Variants in SWI5 observed in about 807,000 individuals in gnomAD.
SWI5 encodes the protein SWI5 homologous recombination repair protein, also known as DNA repair protein SWI5 homolog.
SWI5 carries 12 observed loss-of-function variants against 17.0 expected under a neutral mutation model. The observed-to-expected ratio is 0.71, with a 90% CI of 0.45 to 1.14. The LOEUF is 1.14. SWI5 is among the 50% of genes most tolerant of loss of function. The pLI, the probability that SWI5 is intolerant of heterozygous loss-of-function variation, is 0.00. For missense variants in SWI5, 158 were observed against 162.2 expected (o/e 0.97, Z 0.14); for synonymous variants, 61 against 64.0 (o/e 0.95, Z 0.22).
At chr9:128,286,224 C>T in intron 4 of SWI5, 191 bp downstream of exon 4, 1 of 561,356 alleles carries the variant, frequency 1.8e-6, no homozygotes, top group Non-Finnish European at 3.2e-6. Flanking sequence ...GTTTGTTCCT[C>T]AAGTACAGAA....
At chr9:128,288,520 C>T (rs1486672963) in intron 4 of SWI5, 132 bp from the exon 5 acceptor site, 5 of 914,172 alleles carry the variant, frequency 5.5e-6, no homozygotes, top group Non-Finnish European at 8.7e-6. Flanking sequence ...AGGCAAGGCA[C>T]AAGTGTGGGG....
exon 3 of SWI5, chr9:128,284,569 C>T: frequency 6.2e-7 from 1 of 1,614,000 alleles, no homozygotes; most frequent in Middle Eastern, 1.6e-4. Context: ...TGCACCTTGA[C>T]ATTCAGAAAC....
chr9:128,288,505 C>A, intron 4 of SWI5, 147 bp from the exon 5 acceptor site: 1 of 807,318 alleles, frequency 1.2e-6, no homozygotes. Flanking sequence ...TTACCTTGGC[C>A]AGTTAGGCAA....
upstream of SWI5, chr9:128,275,508 G>T (rs1341625782): frequency 7.6e-7 from 1 of 1,310,880 alleles, no homozygotes; most frequent in Non-Finnish European, 9.8e-7. Flanking sequence ...TGAGGGTCGA[G>T]TCTGGAGCGG....
At chr9:128,278,612 T>C (rs1295244937) in intron 2 of SWI5, 4 of 470,440 alleles carry the variant, frequency 8.5e-6, no homozygotes, top group South Asian at 6.2e-5. Context: ...ATCAGCTTAC[T>C]TTACATGCAT....
intron 2 of SWI5, among the ~76,000 whole-genome samples, chr9:128,277,394 A>C (rs1831433317): frequency 6.6e-6 from 1 of 152,150 alleles, no homozygotes; most frequent in African/African-American, 2.4e-5. Context: ...TCTACTAAAA[A>C]TACAAAAAAA....
chr9:128,277,101 A>C (rs1339702698), intron 2 of SWI5, among the ~76,000 whole-genome samples: 3 of 152,006 alleles, frequency 2.0e-5, no homozygotes, highest in East Asian at 3.9e-4. Flanking sequence ...ACAAACCCAT[A>C]GCTCCCCAGT....
At position 128,276,690 on chromosome 9, in the gene SWI5, C is replaced by T. The variant is rs1395959815; in HGVS notation, c.63-17C>T. On this transcript the variant is annotated splice_polypyrimidine_tract_variant and intron_variant, in intron 1 of 4. Coordinates refer to ENST00000418976, the Ensembl canonical transcript of SWI5. ...GCTGTGGGTCCAATCAGACTTTCCC[C>T]TCGGATTCCTCTCTAGGACTGAACC... 2.5e-6 allele frequency: 4 copies of T among 1,614,048 alleles called. No homozygotes were observed. Among genetic ancestry groups the T allele is most frequent in the South Asian group, 1.1e-5 (1 of 91,072 alleles).
At chr9:128,276,359 T>C (rs1831374336) in exon 1 of SWI5, 4 of 1,613,146 alleles carry the variant, frequency 2.5e-6, no homozygotes, top group South Asian at 2.2e-5. Context: ...TCTTGCGCCA[T>C]TGAACCCCCT....
intron 4 of SWI5, among the ~76,000 whole-genome samples, chr9:128,287,030 A>G (rs1033313142): frequency 6.8e-6 from 1 of 147,776 alleles, no homozygotes; most frequent in Admixed American, 6.9e-5. Flanking sequence ...AATCCCAGCT[A>G]TTTGGGTGGC....
chr9:128,286,115 C>T, intron 4 of SWI5, 82 bp downstream of exon 4: 1 of 1,051,866 alleles, frequency 9.5e-7, no homozygotes, highest in Non-Finnish European at 1.5e-6. Context: ...TGCTCCTGGG[C>T]CTCCCAGCTT....
At chr9:128,287,373 A>G (rs1456909590) in intron 4 of SWI5, among the ~76,000 whole-genome samples, 3 of 151,048 alleles carry the variant, frequency 2.0e-5, no homozygotes, top group Non-Finnish European at 2.9e-5. Context: ...TGAACCCAGG[A>G]AACCAGGAAG....
chr9:128,283,378 T>TC (rs1199063308), intron 2 of SWI5, among the ~76,000 whole-genome samples: 4 of 152,290 alleles, frequency 2.6e-5, no homozygotes, highest in Admixed American at 6.5e-5. Flanking sequence ...GCACCTGTAA[T>TC]CCCAGCTATT....
At chr9:128,276,182 A>G (rs746667152), upstream of SWI5, 27 of 1,590,432 alleles carry the variant, frequency 1.7e-5, no homozygotes, top group Non-Finnish European at 2.3e-5. Flanking sequence ...GTGGCGTCAC[A>G]ACAAAAGCTG....
intron 2 of SWI5, among the ~76,000 whole-genome samples, chr9:128,281,181 G>C (rs1831532381): frequency 6.6e-6 from 1 of 151,782 alleles, no homozygotes; most frequent in African/African-American, 2.4e-5. Context: ...GGGACTACAG[G>C]TGCGCACCAC....
chr9:128,280,937 C>T (rs1831526873), intron 2 of SWI5, among the ~76,000 whole-genome samples: 1 of 151,892 alleles, frequency 6.6e-6, no homozygotes, highest in African/African-American at 2.4e-5. Flanking sequence ...TACACATTCA[C>T]CCCTGGGTAT....
At chr9:128,276,177 G>T (rs1308778765), upstream of SWI5, 5 of 1,579,362 alleles carry the variant, frequency 3.2e-6, no homozygotes, top group Non-Finnish European at 3.4e-6. Context: ...GACCTGTGGC[G>T]TCACAACAAA....
At chr9:128,280,568 A>C (rs1795811177) in intron 2 of SWI5, among the ~76,000 whole-genome samples, 1 of 150,474 alleles carries the variant, frequency 6.6e-6, no homozygotes, top group South Asian at 2.1e-4. Flanking sequence ...GGAGTGCTGG[A>C]GTACAGTGGT....
intron 2 of SWI5, among the ~76,000 whole-genome samples, chr9:128,278,110 G>A (rs567991808): frequency 1.3e-5 from 2 of 152,010 alleles, no homozygotes; most frequent in Admixed American, 6.5e-5. Flanking sequence ...GTGCCATGAC[G>A]CCTGGCTAAT....
Sources: allele counts gnomAD v4.1 joint callset (sites outside exome capture counted in the v4.1 genomes callset), GRCh38; gene constraint gnomAD v4.1.1; transcripts MANE v1.5; gene names NCBI Gene and HGNC (gene_info 2026-07-23, HGNC 2026-07-21).